The following ABCG2 variants were observed in gnomAD, a reference collection of about 807,000 sequenced individuals.
The protein encoded by ABCG2 is ATP binding cassette subfamily G member 2 (JR blood group).
In ABCG2, 80 loss-of-function variants were observed where a neutral mutation model predicts 73.5. That is an observed-to-expected ratio of 1.09 (90% confidence interval 0.91 to 1.31). ABCG2 has a LOEUF of 1.31. ABCG2 is among the 50% of genes most tolerant of loss of function. The probability of loss-of-function intolerance (pLI) is 0.00; values close to 1 mark genes in which losing one functional copy is unlikely to be tolerated. For missense variants in ABCG2, 796 were observed against 786.2 expected (o/e 1.01, Z -0.15); for synonymous variants, 269 against 282.4 (o/e 0.95, Z 0.48).
chr4:88,186,680 G>T (rs929241762), intron 1 of ABCG2, among the ~76,000 whole-genome samples: 8 of 151,966 alleles, frequency 5.3e-5, no homozygotes, highest in Admixed American at 1.3e-4. Context: ...AGCACTTTGG[G>T]AGGCCGAGGC....
At chr4:88,147,163 C>T (rs1248280687) in intron 1 of ABCG2, among the ~76,000 whole-genome samples, 1 of 152,078 alleles carries the variant, frequency 6.6e-6, no homozygotes, top group African/African-American at 2.4e-5. Context: ...TCCAGGCACC[C>T]TCACAGGCTT....
At position 88,173,380 on chromosome 4, in the gene ABCG2, C is replaced by A. The variant is rs111422805; in HGVS notation, c.-19-33366G>T. On this transcript the variant is annotated intron_variant, in intron 1 of 15. Transcript: ENST00000515655. ...GTTCTGTGTGATTGCATCTAAATAG[C>A]TTCATTAACCACATCCTTTTGCCTT... Among the ~76,000 whole-genome samples the A allele has an allele frequency of 4.3e-3, 651 of 152,246 alleles. 7 individuals carry two copies. The highest frequency in any genetic ancestry group is 0.015 in the African/African-American group (622 of 41,560).
chr4:88,171,374 T>C (rs995998647), intron 1 of ABCG2, among the ~76,000 whole-genome samples: 14 of 148,424 alleles, frequency 9.4e-5, no homozygotes, highest in Middle Eastern at 3.3e-3. Flanking sequence ...AAAAAAATGA[T>C]TGAACTAAAG....
At chr4:88,211,358 G>GACC (rs1553900212) in intron 1 of ABCG2, among the ~76,000 whole-genome samples, 1 of 33,648 alleles carries the variant, frequency 3.0e-5, no homozygotes, top group African/African-American at 1.1e-4. Context: ...TTCAACCCCT[G>GACC]CCCCACCCCC....
In ABCG2 at chr4:88,168,865, TA is replaced by T. The variant is rs35255884; in HGVS notation, c.-19-28852del. Among the ~76,000 whole-genome samples, 761 of 146,410 alleles carry T rather than the reference TA, an allele frequency of 5.2e-3. 4 individuals carry two copies. The highest frequency in any genetic ancestry group is 0.013 in the African/African-American group (532 of 40,246). On this transcript the variant is annotated intron_variant, in intron 1 of 15. Coordinates refer to the ABCG2 transcript ENST00000515655. The stretch of plus-strand genomic sequence containing the variant: ...ACACCTGTATACCTGTCACTCAGAT[TA>T]AAAAAAAAAAAATTGTATTAGCAAT...
chr4:88,096,543 C>T (rs1560649430), intron 13 of ABCG2, among the ~76,000 whole-genome samples: 1 of 152,090 alleles, frequency 6.6e-6, no homozygotes, highest in South Asian at 2.1e-4. Context: ...TGGTAGTTTT[C>T]AAATCCAGAA....
At chr4:88,141,231 AC>A (rs1407294232) in intron 1 of ABCG2, among the ~76,000 whole-genome samples, 1 of 152,150 alleles carries the variant, frequency 6.6e-6, no homozygotes, top group African/African-American at 2.4e-5. Flanking sequence ...GATAAAAGCA[AC>A]CAAAGCGGCC....
chr4:88,212,801 C>T (rs1729656246), intron 1 of ABCG2, among the ~76,000 whole-genome samples: 1 of 152,224 alleles, frequency 6.6e-6, no homozygotes, highest in Non-Finnish European at 1.5e-5. Context: ...ACAAACCCTA[C>T]TTAAATTCCT....
chr4:88,178,194 A>C (rs1728086452), intron 1 of ABCG2, among the ~76,000 whole-genome samples: 1 of 152,174 alleles, frequency 6.6e-6, no homozygotes. Flanking sequence ...GGGCAAGGGA[A>C]GAGTAAAGAT....
chr4:88,102,813 C>T (rs1022059387), intron 10 of ABCG2, among the ~76,000 whole-genome samples: 1 of 151,798 alleles, frequency 6.6e-6, no homozygotes, highest in African/African-American at 2.4e-5. Context: ...TTAAAAAATG[C>T]AAACCCAAGT....
chr4:88,096,750 TA>T (rs4148164), intron 13 of ABCG2, among the ~76,000 whole-genome samples: 7,927 of 145,182 alleles, frequency 0.055, 232 homozygotes, highest in African/African-American at 0.073. Context: ...AAGTAACCAT[TA>T]AAAAAAAAAA....
At chr4:88,141,943 T>C (rs1725678483) in intron 1 of ABCG2, among the ~76,000 whole-genome samples, 1 of 151,862 alleles carries the variant, frequency 6.6e-6, no homozygotes, top group African/African-American at 2.4e-5. Flanking sequence ...CAAACAAAAA[T>C]TAAGAATTCA....
At chr4:88,147,622 A>T (rs1726148256) in intron 1 of ABCG2, among the ~76,000 whole-genome samples, 1 of 152,210 alleles carries the variant, frequency 6.6e-6, no homozygotes, top group Non-Finnish European at 1.5e-5. Flanking sequence ...GTTCTCAATT[A>T]TTCCTATTAA....
chr4:88,116,893 C>T (rs1723612530), intron 7 of ABCG2, among the ~76,000 whole-genome samples: 1 of 152,180 alleles, frequency 6.6e-6, no homozygotes, highest in Non-Finnish European at 1.5e-5. Context: ...AAAAATCACA[C>T]ATTTCAATTT....
intron 1 of ABCG2, among the ~76,000 whole-genome samples, chr4:88,181,256 C>G (rs185710359): frequency 2.6e-5 from 4 of 151,820 alleles, no homozygotes; most frequent in South Asian, 2.1e-4. Context: ...AAAAACTAGA[C>G]GAGCATGGTG....
At position 88,121,698 on chromosome 4, in the gene ABCG2, A is replaced by G. The variant is rs777238706; in HGVS notation, c.626T>C (p.Leu209Ser). ...GTCTAAGCCAGTTGTAGGCTCATCCAAGAACAAGATGGAAGGATCAGTGAT... is the reference window on the plus strand; with the variant it reads ...GTCTAAGCCAGTTGTAGGCTCATCCGAGAACAAGATGGAAGGATCAGTGAT... ...ELITDPSILF[L>S]DEPTTGLDSS... Residue 209 changes from leucine (L) to serine (S), a missense_variant, in exon 6 of 16, where the codon TTG becomes TCG. Transcript: ENST00000237612. 6.2e-7 allele frequency: 1 copy of G among 1,614,144 alleles called. No homozygotes were observed. The highest frequency in any genetic ancestry group is 1.1e-5 in the South Asian group (1 of 91,080).
chr4:88,189,121 T>C (rs1286100622), intron 1 of ABCG2, among the ~76,000 whole-genome samples: 1 of 152,244 alleles, frequency 6.6e-6, no homozygotes, highest in Non-Finnish European at 1.5e-5. Context: ...TTTTGAAGTT[T>C]GCAGTACACA....
Position 88,121,700 on chromosome 4 carries a change from G to A in ABCG2, c.624C>T (p.Phe208=), listed in dbSNP as rs1723993382. 1.2e-6 allele frequency: 2 copies of A among 1,613,946 alleles called. No individual in the cohort carries two copies. The highest frequency in any genetic ancestry group is 1.3e-5 in the African/African-American group (1 of 74,886). Residue 208 remains phenylalanine, a synonymous_variant, in exon 6 of 16, where the codon TTC becomes TTT. Coordinates refer to ENST00000237612, the MANE Select transcript of ABCG2 (RefSeq NM_004827.3). ...CTAAGCCAGTTGTAGGCTCATCCAAGAACAAGATGGAAGGATCAGTGATAA... is the reference window on the plus strand; with the variant it reads ...CTAAGCCAGTTGTAGGCTCATCCAAAAACAAGATGGAAGGATCAGTGATAA... ...MELITDPSIL[F]LDEPTTGLDS... is the part of the protein sequence containing the mutation.
At chr4:88,124,754 T>C (rs1465634199) in intron 5 of ABCG2, among the ~76,000 whole-genome samples, 1 of 151,248 alleles carries the variant, frequency 6.6e-6, no homozygotes, top group Non-Finnish European at 1.5e-5. Context: ...AGACAGATCA[T>C]CGACATCAAC....
Sources: allele counts gnomAD v4.1 joint callset (sites outside exome capture counted in the v4.1 genomes callset), GRCh38; gene constraint gnomAD v4.1.1; transcripts MANE v1.5; gene names NCBI Gene and HGNC (gene_info 2026-07-23, HGNC 2026-07-21).